The following A2M variants were observed in gnomAD, a reference collection of about 807,000 sequenced individuals.
A2M encodes C3 and PZP-like alpha-2-macroglobulin domain-containing protein 5.
Under a neutral mutation model 183.9 loss-of-function variants are expected in A2M, and 128 were observed. That is an observed-to-expected ratio of 0.70 (90% CI 0.60 to 0.81). The LOEUF (loss-of-function observed/expected upper bound fraction) is 0.81. A2M is among the 30% of genes least tolerant of loss of function. The pLI is 0.00. For synonymous variants in A2M, 592 were observed against 670.8 expected (o/e 0.88, Z 1.81); for missense variants, 1,495 against 1,787.6 (o/e 0.84, Z 2.95).
At chr12:9,068,112 A>G in intron 35 of A2M, 71 bp downstream of exon 35, 1 of 1,516,930 alleles carries the variant, frequency 6.6e-7, no homozygotes, top group Non-Finnish European at 9.0e-7. Context: ...CCAGCGTTTT[A>G]TGAAGGAGAA....
intron 28 of A2M, among the ~76,000 whole-genome samples, chr12:9,076,191 G>T (rs1948743604): frequency 1.3e-5 from 2 of 152,162 alleles, no homozygotes; most frequent in Admixed American, 1.3e-4. Flanking sequence ...AATGTACCAG[G>T]TAAGGGTTGG....
chr12:9,116,021 T>C, upstream of A2M: 1 of 666,612 alleles, frequency 1.5e-6, no homozygotes, highest in Non-Finnish European at 2.8e-6. Flanking sequence ...CTGAACATTC[T>C]CTGGAAAGGT....
intron 3 of A2M, 41 bp downstream of exon 3, chr12:9,112,336 T>C (rs1346310507): frequency 6.2e-7 from 1 of 1,604,476 alleles, no homozygotes; most frequent in African/African-American, 1.3e-5. Context: ...GAAGAAGATC[T>C]TTCCTTTTTG....
chr12:9,076,667 G>A (rs901184497), intron 28 of A2M, 89 bp downstream of exon 28: 4 of 1,196,132 alleles, frequency 3.3e-6, no homozygotes, highest in African/African-American at 1.5e-5. Flanking sequence ...AGGAGACAGG[G>A]ATCACAGGAG....
At chr12:9,099,089 A>C (rs941330249) in intron 14 of A2M, among the ~76,000 whole-genome samples, 2 of 152,138 alleles carry the variant, frequency 1.3e-5, no homozygotes, top group Non-Finnish European at 2.9e-5. Flanking sequence ...TTGGCTCCTT[A>C]GTAGTCTTAA....
chr12:9,093,440 A>C, intron 18 of A2M, 25 bp downstream of exon 18: 1 of 1,505,658 alleles, frequency 6.6e-7, no homozygotes, highest in Non-Finnish European at 9.2e-7. Context: ...ATTGTTGCAT[A>C]TTGCATATGC....
chr12:9,104,321 G>A lies in A2M; in HGVS notation c.1184C>T (p.Ser395Phe). 1 of 1,611,890 alleles carries A rather than the reference G, an allele frequency of 6.2e-7. No homozygotes were observed. Among genetic ancestry groups the A allele is most frequent in the East Asian group, 2.2e-5 (1 of 44,832 alleles). Residue 395 changes from serine to phenylalanine, a missense_variant, in exon 11 of 36, where the codon TCC (serine) becomes TTC (phenylalanine). Physicochemically the swap from Ser to Phe is radical, Grantham distance 155 (BLOSUM62 -2). Transcript: ENST00000318602. ...FIRGNEANYY[S>F]NATTDEHGLV... Reference sequence around the variant, plus strand: ...GCCATGCTCATCCGTGGTAGCATTGGAGTAATAGTTTGCTTCATTTCCTCT... The same window carrying A: ...GCCATGCTCATCCGTGGTAGCATTGAAGTAATAGTTTGCTTCATTTCCTCT...
intron 22 of A2M, among the ~76,000 whole-genome samples, chr12:9,087,799 C>A (rs1047618524): frequency 1.3e-5 from 2 of 151,976 alleles, no homozygotes; most frequent in South Asian, 4.1e-4. Context: ...AGAACAACAA[C>A]AACAACCAAC....
At chr12:9,108,405 C>A (rs1176869771) in intron 7 of A2M, among the ~76,000 whole-genome samples, 1 of 152,272 alleles carries the variant, frequency 6.6e-6, no homozygotes, top group Non-Finnish European at 1.5e-5. Context: ...GGATTACAGG[C>A]GTGAGCCACC....
Position 9,089,963 on chromosome 12 carries a change from T to A in A2M, c.2657A>T (p.Glu886Val), listed in dbSNP as rs1377745755. ...ALESQELCGT[E>V]VPSVPEHGRK... ...TCCGTGTTCAGGAACTGAAGGCACC[T>A]CAGTCCCACACAGCTCTTGAGACTC... The change falls in exon 21 of 36, where the codon GAG (glutamate) becomes GTG (valine). Residue 886 changes from glutamate (E) to valine (V), a missense_variant. Coordinates refer to ENST00000318602, the MANE Select transcript of A2M (RefSeq NM_000014.6). The A allele has an allele frequency of 1.2e-6, 2 of 1,612,588 alleles. No individual in the cohort carries two copies. The highest frequency in any genetic ancestry group is 2.2e-5 in the South Asian group (2 of 90,936).
intron 2 of A2M, 77 bp from the exon 3 acceptor site, chr12:9,112,613 C>T: frequency 2.0e-6 from 3 of 1,524,122 alleles, no homozygotes; most frequent in Non-Finnish European, 2.7e-6. Context: ...GCACTCTTCC[C>T]TGGAGATCTT....
chr12:9,077,007 G>C (rs1023791528), intron 27 of A2M, 71 bp from the exon 28 acceptor site: 1 of 1,411,008 alleles, frequency 7.1e-7, no homozygotes, highest in Non-Finnish European at 9.5e-7. Flanking sequence ...GCAAATACAC[G>C]GATCACAGCA....
chr12:9,090,638 G>A, intron 19 of A2M, 156 bp from the exon 20 acceptor site: 1 of 723,354 alleles, frequency 1.4e-6, no homozygotes, highest in Non-Finnish European at 2.2e-6. Context: ...TATTTAAGTG[G>A]ATCTTAATGT....
chr12:9,068,694 GT>G (rs1437026366), intron 34 of A2M, 45 bp downstream of exon 34: 1 of 1,429,606 alleles, frequency 7.0e-7, no homozygotes, highest in South Asian at 1.2e-5. Flanking sequence ...CTGAATTTCT[GT>G]GATCAGGAAT....
chr12:9,113,390 C>T lies in A2M; in HGVS notation c.240G>A (p.Glu80=), dbSNP rs763603882. 15 of 1,613,514 alleles carry T rather than the reference C, an allele frequency of 9.3e-6. No individual in the cohort carries two copies. The highest frequency in any genetic ancestry group is 1.2e-5 in the Non-Finnish European group (14 of 1,179,888). ...AGGCGACACAGTGGAGTACGTCATT[C>T]TCCGCCTCCAGGTCAGTGAAGAGGC... ...NRSLFTDLEA[E]NDVLHCVAFA... The change falls in exon 2 of 36, where the codon GAG becomes GAA. Residue 80 remains glutamate (E), a synonymous_variant. Transcript: ENST00000318602.
At chr12:9,098,541 T>C in intron 15 of A2M, 66 bp downstream of exon 15, 1 of 1,521,248 alleles carries the variant, frequency 6.6e-7, no homozygotes. Flanking sequence ...ACTTATCCAG[T>C]CATTTTTCCT....
chr12:9,087,260 A>G (rs1422787165), intron 22 of A2M, among the ~76,000 whole-genome samples: 1 of 152,216 alleles, frequency 6.6e-6, no homozygotes, highest in Non-Finnish European at 1.5e-5. Flanking sequence ...TTATGGAATC[A>G]TAAGTGTCAT....
In A2M at chr12:9,077,691, A is replaced by G; in HGVS notation, c.3276+10T>C. The G allele has an allele frequency of 1.2e-6, 2 of 1,613,094 alleles. No homozygotes were observed. Among genetic ancestry groups the G allele is most frequent in the Non-Finnish European group, 1.7e-6 (2 of 1,179,322 alleles). On this transcript the variant is annotated intron_variant, in intron 26 of 35. Coordinates refer to ENST00000318602, the MANE Select transcript of A2M (RefSeq NM_000014.6). ...ATGGACAAATCAAAACTAGCTCCAG[A>G]ATGATTCACCTTTATGGCATTGTTG...
rs762037302 is a variant in A2M at position 9,080,103 on chromosome 12, A to G, written c.2845T>C (p.Ser949Pro). Reference protein sequence around the residue: ...VVEESARASVSVLGDILGSAM... With the variant: ...VVEESARASVPVLGDILGSAM... ...GGGGCTGGAGACTCACCCAAAACTG[A>G]GACAGAAGCTCGGGCAGATTCTTCT... Residue 949 changes from serine (S) to proline (P), a missense_variant, in exon 23 of 36, where the codon TCA (serine) becomes CCA (proline). Transcript: ENST00000318602. 2 of 1,585,090 alleles carry G rather than the reference A, an allele frequency of 1.3e-6. No individual in the cohort carries two copies. The highest frequency in any genetic ancestry group is 4.6e-5 in the East Asian group (2 of 43,644).
Sources: gnomAD v4.1 joint callset for allele counts (sites outside exome capture counted in the v4.1 genomes callset) on GRCh38, gnomAD v4.1.1 for gene constraint, MANE v1.5 for transcripts, NCBI Gene and HGNC (gene_info 2026-07-23, HGNC 2026-07-21) for gene names.